The following TNFRSF8 variants were observed in gnomAD, a reference collection of about 807,000 sequenced individuals.
The protein encoded by TNFRSF8 is TNF receptor superfamily member 8.
A neutral mutation model predicts 70.8 loss-of-function variants in TNFRSF8; 26 were observed. That is an observed-to-expected ratio of 0.37 (90% CI 0.27 to 0.51). TNFRSF8 has a LOEUF of 0.51. TNFRSF8 is among the 20% of genes least tolerant of loss of function. The probability of loss-of-function intolerance (pLI) is 0.94; values close to 1 mark genes in which losing one functional copy is unlikely to be tolerated. For synonymous variants in TNFRSF8, 356 were observed against 339.2 expected, an observed-to-expected ratio of 1.05 and a Z score of -0.54; for missense variants, 720 against 807.9, an observed-to-expected ratio of 0.89 and a Z score of 1.32.
chr1:12,066,141 C>T (rs969605418), intron 1 of TNFRSF8, among the ~76,000 whole-genome samples: 2 of 151,994 alleles, frequency 1.3e-5, no homozygotes, highest in African/African-American at 2.4e-5. Flanking sequence ...TCTCGCCTAC[C>T]GGGGAAGCTG....
intron 8 of TNFRSF8, among the ~76,000 whole-genome samples, chr1:12,116,105 C>T (rs1641724723): frequency 6.6e-6 from 1 of 152,152 alleles, no homozygotes; most frequent in Non-Finnish European, 1.5e-5. Context: ...CCTCAGCCTT[C>T]TGAGTAGCTG....
chr1:12,078,669 G>A (rs1641009884), intron 1 of TNFRSF8, among the ~76,000 whole-genome samples: 2 of 152,154 alleles, frequency 1.3e-5, no homozygotes, highest in South Asian at 2.1e-4. Context: ...AGAAGCTGGC[G>A]GATCAGAGCA....
At chr1:12,089,649 A>G (rs571595097) in intron 2 of TNFRSF8, among the ~76,000 whole-genome samples, 1 of 152,306 alleles carries the variant, frequency 6.6e-6, no homozygotes, top group South Asian at 2.1e-4. Flanking sequence ...GAGAAGGACA[A>G]GGTCCTGCCT....
chr1:12,138,453 T>G lies in TNFRSF8; in HGVS notation c.1543+17T>G. The G allele has an allele frequency of 2.5e-6, 4 of 1,601,974 alleles. No homozygotes were observed. The highest frequency in any genetic ancestry group is 3.4e-6 in the Non-Finnish European group (4 of 1,171,786). On this transcript the variant is annotated intron_variant, in intron 14 of 14. Transcript: ENST00000263932. This position sits in a 1 kb window ranked among gnomAD's most constrained non-coding sequence, Gnocchi z 5.7. ...ACAAGATTGGTGAGTCAGCCTGTTT[T>G]GGGAGGTCCCCTGCAGCCCAGGGGC...
chr1:12,100,193 A>T (rs1358870181), intron 3 of TNFRSF8, among the ~76,000 whole-genome samples: 1 of 151,860 alleles, frequency 6.6e-6, no homozygotes, highest in Non-Finnish European at 1.5e-5. Flanking sequence ...TATGAAAGAT[A>T]AAAAAAATGG....
intron 1 of TNFRSF8, among the ~76,000 whole-genome samples, chr1:12,079,966 T>G (rs1367065429): frequency 1.6e-5 from 2 of 127,338 alleles, no homozygotes; most frequent in Non-Finnish European, 3.4e-5. Context: ...TTTTTTTTTT[T>G]GAGGCAGGGT....
chr1:12,070,508 A>G (rs990083299), intron 1 of TNFRSF8, among the ~76,000 whole-genome samples: 1 of 152,112 alleles, frequency 6.6e-6, no homozygotes, highest in African/African-American at 2.4e-5. Context: ...CCGCCTATGT[A>G]GAGACAGGGT....
chr1:12,090,321 CCCAT>C (rs150051433), intron 2 of TNFRSF8, among the ~76,000 whole-genome samples: 8,299 of 149,816 alleles, frequency 0.055, 563 homozygotes, highest in Admixed American at 0.15. Context: ...TCCACCTTTC[CCCAT>C]CCATCCATCC....
chr1:12,096,569 T>C (rs573958869), intron 2 of TNFRSF8, among the ~76,000 whole-genome samples: 1 of 152,240 alleles, frequency 6.6e-6, no homozygotes, highest in Non-Finnish European at 1.5e-5. Context: ...TAGACTTTCA[T>C]GGTCTAAAGT....
intron 12 of TNFRSF8, among the ~76,000 whole-genome samples, chr1:12,128,515 G>A (rs1258694578): frequency 1.3e-5 from 2 of 152,254 alleles, no homozygotes; most frequent in Non-Finnish European, 2.9e-5. Flanking sequence ...GGTACTTACT[G>A]TTATCCCCGT....
At chr1:12,139,776 G>A (rs1642219897) in intron 14 of TNFRSF8, among the ~76,000 whole-genome samples, 1 of 152,160 alleles carries the variant, frequency 6.6e-6, no homozygotes, top group Admixed American at 6.5e-5. Context: ...CTGGGATTAT[G>A]GGCGAGTGTC....
chr1:12,092,760 G>A (rs1481548911), intron 2 of TNFRSF8, among the ~76,000 whole-genome samples: 2 of 151,584 alleles, frequency 1.3e-5, no homozygotes, highest in Non-Finnish European at 2.9e-5. Context: ...CGCCTGCCTC[G>A]ACCTCCCAAA....
chr1:12,083,473 G>A (rs1641100578), intron 1 of TNFRSF8, among the ~76,000 whole-genome samples: 1 of 152,218 alleles, frequency 6.6e-6, no homozygotes, highest in African/African-American at 2.4e-5. Context: ...TGGATCATTT[G>A]AGGTCAGGAA....
chr1:12,084,647 CCGTCAT>C (rs1226328254), intron 2 of TNFRSF8, 96 bp downstream of exon 2: 1 of 1,150,916 alleles, frequency 8.7e-7, no homozygotes, highest in African/African-American at 1.5e-5. Flanking sequence ...TTGGAGCCAA[CCGTCAT>C]CGTCATAATT....
Position 12,138,422 on chromosome 1 carries a change from C to A in TNFRSF8, c.1529C>A (p.Thr510Asn). 6.2e-7 allele frequency: 1 copy of A among 1,611,712 alleles called. No homozygotes were observed. Among genetic ancestry groups the A allele is most frequent in the Non-Finnish European group, 8.5e-7 (1 of 1,178,390 alleles). Reference protein sequence around the residue: ...LPEPRVSTEHTNNKIEKIYIM... With the variant: ...LPEPRVSTEHNNNKIEKIYIM... The stretch of plus-strand genomic sequence containing the variant: ...GAGCCCCGGGTGTCCACGGAGCACA[C>A]CAATAACAAGATTGGTGAGTCAGCC... The change falls in exon 14 of 15, where the codon ACC becomes AAC. Residue 510 changes from threonine (T) to asparagine (N), a missense_variant. By Grantham distance (65) the Thr-to-Asn change is moderately conservative (BLOSUM62 0). Transcript: ENST00000263932. This position sits in a 1 kb window ranked among gnomAD's most constrained non-coding sequence, Gnocchi z 5.7.
rs376419823 is a variant in TNFRSF8, at chr1:12,137,814, C to T, written c.1336-415C>T. ...GTGCTTATGAGTGTGGGTTATGGAC[C>T]AGATGCCAGGGTTCAAATCCTAGCT... On this transcript the variant is annotated intron_variant, in intron 13 of 14. Transcript: ENST00000263932. Among the ~76,000 whole-genome samples, 105 of 152,028 alleles carry T rather than the reference C, an allele frequency of 6.9e-4. 1 individual carries two copies. Among genetic ancestry groups the T allele is most frequent in the African/African-American group, 2.5e-3 (103 of 41,476 alleles).
At chr1:12,090,455 TCCACCCAC>T (rs1280132723) in intron 2 of TNFRSF8, among the ~76,000 whole-genome samples, 2 of 139,120 alleles carry the variant, frequency 1.4e-5, no homozygotes, top group East Asian at 4.8e-4. Flanking sequence ...CATCCATCCA[TCCACCCAC>T]CCACTCATCC....
rs1170039723 is a variant in TNFRSF8 at position 12,113,571 on chromosome 1, G to C, written c.793+1557G>C. Among the ~76,000 whole-genome samples the C allele has an allele frequency of 6.9e-6, 1 of 144,098 alleles. No homozygotes were observed. The highest frequency in any genetic ancestry group is 2.6e-5 in the African/African-American group (1 of 38,046). 94.5% of individuals were successfully genotyped at this position (144,098 alleles called of 152,430 possible). On this transcript the variant is annotated intron_variant, in intron 7 of 14. Coordinates refer to ENST00000263932, the MANE Select transcript of TNFRSF8 (RefSeq NM_001243.5). The surrounding 1 kb of genome is among the most constrained non-coding windows in gnomAD (Gnocchi z 4.9). ...TGAGAGAGAGAAAGAGAGAGACAGA[G>C]AGAAAGAGACAGAATGAGAGGGAGA...
intron 3 of TNFRSF8, among the ~76,000 whole-genome samples, chr1:12,103,219 T>C (rs1641454248): frequency 6.6e-6 from 1 of 151,756 alleles, no homozygotes; most frequent in African/African-American, 2.4e-5. Context: ...AAAAAATTAG[T>C]TGGGCGTGGT....
Sources: gnomAD v4.1 joint callset for allele counts (sites outside exome capture counted in the v4.1 genomes callset) on GRCh38, gnomAD v4.1.1 for gene constraint, Gnocchi (gnomAD v3.1) non-coding constraint, MANE v1.5 for transcripts, NCBI Gene and HGNC (gene_info 2026-07-23, HGNC 2026-07-21) for gene names.